The following NEK10 variants were observed in gnomAD, a reference collection of about 807,000 sequenced individuals.
NEK10 encodes serine/threonine-protein kinase Nek10.
In NEK10, 122 loss-of-function variants were observed where a neutral mutation model predicts 159.8. That is an observed-to-expected ratio of 0.76 (90% CI 0.66 to 0.89). The LOEUF is 0.89. NEK10 is among the 40% of genes least tolerant of loss of function. The pLI is 0.00. For synonymous variants in NEK10, 466 were observed against 457.1 expected (o/e 1.02, Z -0.25); for missense variants, 1,342 against 1,323.1 (o/e 1.01, Z -0.22).
At chr3:27,237,647 G>GGAGGAAGGGTGGGAGTGGGGT (rs549840430) in intron 23 of NEK10, among the ~76,000 whole-genome samples, 9 of 152,140 alleles carry the variant, frequency 5.9e-5, no homozygotes, top group Non-Finnish European at 7.4e-5. Flanking sequence ...TGGGAACTCA[G>GGAGGAAGGGTGGGAGTGGGGT]GAGGAAGGGT....
intron 23 of NEK10, among the ~76,000 whole-genome samples, chr3:27,221,798 T>C (rs191532535): frequency 1.1e-3 from 162 of 152,318 alleles, no homozygotes; most frequent in African/African-American, 3.6e-3. Context: ...CATAGGCTTC[T>C]CTGCTTTCCT....
intron 22 of NEK10, among the ~76,000 whole-genome samples, chr3:27,266,682 CCTG>C (rs931245397): frequency 1.3e-5 from 2 of 152,160 alleles, no homozygotes; most frequent in African/African-American, 4.8e-5. Flanking sequence ...TCATCATTGC[CCTG>C]CTTTGTTAAT....
At chr3:27,167,747 T>C (rs957526346) in intron 29 of NEK10, among the ~76,000 whole-genome samples, 2 of 152,238 alleles carry the variant, frequency 1.3e-5, no homozygotes, top group Non-Finnish European at 2.9e-5. Flanking sequence ...TGGGGCTTAT[T>C]CCTCTCTTGA....
chr3:27,287,416 C>G (rs750979444), intron 20 of NEK10, among the ~76,000 whole-genome samples: 1 of 152,172 alleles, frequency 6.6e-6, no homozygotes, highest in Non-Finnish European at 1.5e-5. Flanking sequence ...TTCCTTGATC[C>G]TATTAAGTGA....
chr3:27,166,065 C>T (rs985222216), intron 29 of NEK10, among the ~76,000 whole-genome samples: 1 of 152,192 alleles, frequency 6.6e-6, no homozygotes, highest in Non-Finnish European at 1.5e-5. Context: ...AGAGGTTTGG[C>T]TTACAATAGT....
chr3:27,179,649 G>A (rs1025173009), intron 26 of NEK10, among the ~76,000 whole-genome samples: 1 of 152,158 alleles, frequency 6.6e-6, no homozygotes, highest in African/African-American at 2.4e-5. Flanking sequence ...AGAAGATCTG[G>A]TCCATCACAA....
chr3:27,180,928 A>G (rs9875517), intron 26 of NEK10, among the ~76,000 whole-genome samples: 3,032 of 152,168 alleles, frequency 0.02, 57 homozygotes, highest in African/African-American at 0.05. Context: ...ACTCAAGTGC[A>G]TGCCAGGGAC....
intron 22 of NEK10, among the ~76,000 whole-genome samples, chr3:27,266,670 C>T (rs1173779730): frequency 1.3e-5 from 2 of 152,220 alleles, no homozygotes; most frequent in African/African-American, 4.8e-5. Flanking sequence ...CAAATCCACC[C>T]TTCATCATTG....
chr3:27,167,126 A>C (rs1334117367), intron 29 of NEK10, among the ~76,000 whole-genome samples: 1 of 152,152 alleles, frequency 6.6e-6, no homozygotes, highest in Non-Finnish European at 1.5e-5. Context: ...GAAGGCAAGC[A>C]GACGTGGAGA....
At chr3:27,140,904 T>TA (rs969010105) in intron 31 of NEK10, among the ~76,000 whole-genome samples, 5 of 151,908 alleles carry the variant, frequency 3.3e-5, no homozygotes, top group Non-Finnish European at 7.4e-5. Flanking sequence ...CTTCTTTGTC[T>TA]AAAAAAAAGA....
intron 23 of NEK10, among the ~76,000 whole-genome samples, chr3:27,203,303 C>A (rs1411531899): frequency 1.3e-5 from 2 of 152,110 alleles, no homozygotes; most frequent in African/African-American, 4.8e-5. Context: ...GAGCCTTTCC[C>A]TTTGCTATTC....
intron 23 of NEK10, among the ~76,000 whole-genome samples, chr3:27,255,715 T>C (rs1355681673): frequency 2.0e-5 from 3 of 152,182 alleles, no homozygotes; most frequent in African/African-American, 7.2e-5. Flanking sequence ...AATTTAAGTG[T>C]CTCGATTTAT....
intron 23 of NEK10, among the ~76,000 whole-genome samples, chr3:27,206,360 A>G (rs931819986): frequency 2.0e-5 from 3 of 152,178 alleles, no homozygotes; most frequent in African/African-American, 7.2e-5. Flanking sequence ...AACACAAGAA[A>G]ATAACTTAAA....
At chr3:27,181,075 T>C (rs965033073) in intron 26 of NEK10, among the ~76,000 whole-genome samples, 5 of 152,122 alleles carry the variant, frequency 3.3e-5, no homozygotes, top group Non-Finnish European at 7.4e-5. Context: ...CTGCTACCAA[T>C]GTTGTGCCTT....
At chr3:27,144,817 G>T (rs1199335033) in intron 30 of NEK10, among the ~76,000 whole-genome samples, 1 of 151,976 alleles carries the variant, frequency 6.6e-6, no homozygotes, top group Non-Finnish European at 1.5e-5. Context: ...TGCCTCCTGG[G>T]CTCAAGCAAT....
intron 1 of NEK10, among the ~76,000 whole-genome samples, chr3:27,367,097 A>G (rs2149921576): frequency 6.6e-6 from 1 of 152,320 alleles, no homozygotes; most frequent in East Asian, 1.9e-4. Context: ...GGCATGAGCC[A>G]CCATGCCCAG....
chr3:27,165,129 T>C (rs542829643), intron 29 of NEK10, among the ~76,000 whole-genome samples: 2 of 152,334 alleles, frequency 1.3e-5, no homozygotes, highest in Admixed American at 1.3e-4. Context: ...GCCACCATGC[T>C]AGACACTGGA....
intron 20 of NEK10, among the ~76,000 whole-genome samples, chr3:27,285,847 T>C (rs2149467546): frequency 6.6e-6 from 1 of 152,314 alleles, no homozygotes; most frequent in African/African-American, 2.4e-5. Context: ...TACCATTCTT[T>C]CTGCTGGTTG....
intron 5 of NEK10, among the ~76,000 whole-genome samples, chr3:27,322,873 C>CT (rs1352188802): frequency 3.3e-5 from 5 of 152,148 alleles, no homozygotes; most frequent in African/African-American, 1.2e-4. Flanking sequence ...CACAAACTGC[C>CT]TTCAGTTGTT....
Sources: gnomAD v4.1 joint callset for allele counts (sites outside exome capture counted in the v4.1 genomes callset) on GRCh38, gnomAD v4.1.1 for gene constraint, MANE v1.5 for transcripts, NCBI Gene and HGNC (gene_info 2026-07-23, HGNC 2026-07-21) for gene names.